Variants in GPHN observed in about 807,000 individuals in gnomAD.
The protein encoded by GPHN is gephyrin.
Under a neutral mutation model 95.5 loss-of-function variants are expected in GPHN, and 17 were observed. The ratio of observed to expected loss-of-function variants is 0.18; its 90% CI spans 0.12 to 0.27. The LOEUF (loss-of-function observed/expected upper bound fraction) is 0.27. Among genes scored for constraint, GPHN ranks in the 10% least tolerant of loss-of-function variants. GPHN has a pLI of 1.00. For synonymous variants in GPHN, 320 were observed against 322.5 expected (o/e 0.99, Z 0.08); for missense variants, 660 against 978.1 (o/e 0.67, Z 4.34).
the GPHN span, chr14:67,690,223 C>T: frequency 1.4e-5 from 22 of 1,612,966 alleles, no homozygotes; most frequent in Non-Finnish European, 1.7e-5. Flanking sequence ...TTTTAGTCTC[C>T]GGGCCAGTTC....
At chr14:66,867,950 T>G (rs1210877361) in intron 4 of GPHN, among the ~76,000 whole-genome samples, 3 of 152,158 alleles carry the variant, frequency 2.0e-5, no homozygotes, top group African/African-American at 7.2e-5. Context: ...GGAAACTTGT[T>G]AGAAATGTAA....
At chr14:67,728,642 G>A in the GPHN span, among the ~76,000 whole-genome samples, 3 of 150,804 alleles carry the variant, frequency 2.0e-5, no homozygotes, top group Middle Eastern at 3.2e-3. Flanking sequence ...TTTAAAGCAT[G>A]TTGTATGGCC....
At chr14:67,152,190 T>C (rs2081320998) in intron 18 of GPHN, among the ~76,000 whole-genome samples, 1 of 152,208 alleles carries the variant, frequency 6.6e-6, no homozygotes, top group Non-Finnish European at 1.5e-5. Flanking sequence ...ATATTCTACC[T>C]AGAAGTGATA....
At chr14:67,463,208 C>T in the GPHN span, among the ~76,000 whole-genome samples, 1 of 151,796 alleles carries the variant, frequency 6.6e-6, no homozygotes, top group Non-Finnish European at 1.5e-5. Context: ...CACTTGAGCT[C>T]AGGAGTTCAA....
the GPHN span, among the ~76,000 whole-genome samples, chr14:67,330,150 TAATA>T: frequency 7.1e-6 from 1 of 140,294 alleles, no homozygotes; most frequent in African/African-American, 2.6e-5. Context: ...ATAATAATAA[TAATA>T]ATTATTATTA....
At chr14:67,633,771 G>C in the GPHN span, among the ~76,000 whole-genome samples, 1 of 152,224 alleles carries the variant, frequency 6.6e-6, no homozygotes, top group Admixed American at 6.5e-5. Context: ...TGCACTCTGG[G>C]TTCGGAGGAA....
the GPHN span, among the ~76,000 whole-genome samples, chr14:67,694,289 G>A: frequency 2.0e-5 from 3 of 152,034 alleles, no homozygotes; most frequent in African/African-American, 7.3e-5. Flanking sequence ...CTTACTGTAT[G>A]TAGCTCCAGG....
At chr14:66,872,662 AG>A (rs2063488107) in intron 4 of GPHN, among the ~76,000 whole-genome samples, 1 of 152,106 alleles carries the variant, frequency 6.6e-6, no homozygotes, top group Non-Finnish European at 1.5e-5. Flanking sequence ...TGGGAGGATG[AG>A]GTGGGCAGAT....
intron 11 of GPHN, among the ~76,000 whole-genome samples, chr14:67,081,500 C>T (rs1258998117): frequency 6.6e-6 from 1 of 152,086 alleles, no homozygotes; most frequent in Non-Finnish European, 1.5e-5. Flanking sequence ...AGATATTAGT[C>T]CTTTGTCAGA....
chr14:66,788,611 G>T (rs1256654356), intron 3 of GPHN, among the ~76,000 whole-genome samples: 1 of 152,048 alleles, frequency 6.6e-6, no homozygotes, highest in Non-Finnish European at 1.5e-5. Context: ...TCTTTGCATT[G>T]ATGTGCTATT....
chr14:66,627,440 GTA>G (rs2063565954), intron 1 of GPHN, among the ~76,000 whole-genome samples: 2 of 151,900 alleles, frequency 1.3e-5, no homozygotes, highest in African/African-American at 4.8e-5. Flanking sequence ...CTGTTGAAGA[GTA>G]TTTCATTGCA....
At chr14:66,596,124 C>T (rs2061961371) in intron 1 of GPHN, among the ~76,000 whole-genome samples, 1 of 151,986 alleles carries the variant, frequency 6.6e-6, no homozygotes, top group Admixed American at 6.5e-5. Context: ...AGAGAGGAGA[C>T]CCTCAGTGGG....
the GPHN span, among the ~76,000 whole-genome samples, chr14:67,629,769 C>T: frequency 3.9e-5 from 6 of 152,114 alleles, no homozygotes; most frequent in Non-Finnish European, 7.3e-5. Flanking sequence ...GAAATGTGTT[C>T]AAGATCCTAC....
At chr14:66,603,186 A>G (rs1159066157) in intron 1 of GPHN, among the ~76,000 whole-genome samples, 1 of 151,972 alleles carries the variant, frequency 6.6e-6, no homozygotes, top group African/African-American at 2.4e-5. Context: ...TAGGATTTTG[A>G]AATCTTTTAA....
At chr14:66,676,764 C>T (rs201776701) in intron 1 of GPHN, among the ~76,000 whole-genome samples, 1 of 149,234 alleles carries the variant, frequency 6.7e-6, no homozygotes, top group East Asian at 2.0e-4. Context: ...ATACTGACCT[C>T]TAGTTTTTTT....
chr14:67,023,323 A>T (rs1567223524), intron 9 of GPHN, among the ~76,000 whole-genome samples: 1 of 152,124 alleles, frequency 6.6e-6, no homozygotes, highest in South Asian at 2.1e-4. Flanking sequence ...ATTTACAACT[A>T]AATATACAGT....
chr14:67,124,845 T>C (rs1265209949), intron 17 of GPHN, among the ~76,000 whole-genome samples: 1 of 152,092 alleles, frequency 6.6e-6, no homozygotes. Context: ...CTTAATATAC[T>C]GTATATACTG....
At chr14:67,729,249 G>A in the GPHN span, 1 of 1,609,798 alleles carries the variant, frequency 6.2e-7, no homozygotes. Context: ...AGCTGGTCCG[G>A]CACTCCTCCC....
At chr14:67,453,361 G>A in the GPHN span, among the ~76,000 whole-genome samples, 1 of 152,256 alleles carries the variant, frequency 6.6e-6, no homozygotes, top group East Asian at 1.9e-4. Context: ...CTGGGTGAAG[G>A]AGAGCCAGGA....
Sources: gnomAD v4.1 joint callset for allele counts (sites outside exome capture counted in the v4.1 genomes callset) on GRCh38, gnomAD v4.1.1 for gene constraint, MANE v1.5 for transcripts, NCBI Gene and HGNC (gene_info 2026-07-23, HGNC 2026-07-21) for gene names.